The following PVT1 variants were observed in gnomAD, a reference collection of about 807,000 sequenced individuals.
PVT1 encodes the protein Pvt1 oncogene.
intron 3 of PVT1, among the ~76,000 whole-genome samples, chr8:127,921,527 A>C (rs1816056823): frequency 6.6e-6 from 1 of 152,172 alleles, no homozygotes; most frequent in Non-Finnish European, 1.5e-5. Flanking sequence ...TGATAATTTC[A>C]GGGGCCGGGC....
chr8:127,844,044 G>T (rs1399874676), intron 2 of PVT1, among the ~76,000 whole-genome samples: 1 of 151,382 alleles, frequency 6.6e-6, no homozygotes, highest in East Asian at 1.9e-4. Flanking sequence ...GTGCAGTGGC[G>T]CAATCTCGGC....
At chr8:127,973,720 TGTAATCCCA>T (rs1390168090) in intron 3 of PVT1, among the ~76,000 whole-genome samples, 5 of 143,294 alleles carry the variant, frequency 3.5e-5, no homozygotes, top group African/African-American at 1.1e-4. Context: ...GGCTCACACC[TGTAATCCCA>T]GCACTTTGGG....
chr8:128,007,467 A>G (rs1372621144), intron 4 of PVT1, among the ~76,000 whole-genome samples: 1 of 152,138 alleles, frequency 6.6e-6, no homozygotes, highest in Non-Finnish European at 1.5e-5. Flanking sequence ...AGATAGATTT[A>G]TATGTACTAA....
chr8:127,931,091 T>C (rs896624986), intron 3 of PVT1, among the ~76,000 whole-genome samples: 1 of 152,058 alleles, frequency 6.6e-6, no homozygotes, highest in Non-Finnish European at 1.5e-5. Context: ...TTTTTTGTAG[T>C]GATGGGGTTT....
chr8:127,848,449 T>G (rs1238957484), intron 2 of PVT1, among the ~76,000 whole-genome samples: 2 of 152,008 alleles, frequency 1.3e-5, no homozygotes, highest in Non-Finnish European at 2.9e-5. Context: ...TTTGGGAGGC[T>G]GAGGTGGGCG....
intron 3 of PVT1, among the ~76,000 whole-genome samples, chr8:127,901,693 T>C (rs1815760599): frequency 6.6e-6 from 1 of 152,108 alleles, no homozygotes; most frequent in South Asian, 2.1e-4. Context: ...ATTATAGGCA[T>C]GAACCACCAT....
chr8:128,088,988 A>G (rs1814313484), intron 5 of PVT1, among the ~76,000 whole-genome samples: 1 of 152,332 alleles, frequency 6.6e-6, no homozygotes, highest in South Asian at 2.1e-4. Flanking sequence ...CTTGTCCTCC[A>G]TGTGGCCCAA....
intron 3 of PVT1, among the ~76,000 whole-genome samples, chr8:127,914,841 G>A (rs1025174438): frequency 3.9e-4 from 53 of 137,396 alleles, no homozygotes; most frequent in Non-Finnish European, 7.2e-4. Flanking sequence ...TTTTGAGACC[G>A]AGTTTCCCTC....
At chr8:128,072,538 A>G (rs888417891) in intron 5 of PVT1, among the ~76,000 whole-genome samples, 4 of 152,172 alleles carry the variant, frequency 2.6e-5, no homozygotes, top group African/African-American at 4.8e-5. Context: ...TATGTGTCTC[A>G]TCTCAGTTTC....
At chr8:127,967,247 G>T (rs1225498536) in intron 3 of PVT1, among the ~76,000 whole-genome samples, 1 of 152,046 alleles carries the variant, frequency 6.6e-6, no homozygotes, top group African/African-American at 2.4e-5. Context: ...CCTGACCCGG[G>T]ATCTCTCCTG....
chr8:127,899,834 A>T (rs938546173), intron 3 of PVT1, among the ~76,000 whole-genome samples: 2 of 152,080 alleles, frequency 1.3e-5, no homozygotes, highest in African/African-American at 4.8e-5. Context: ...TCTTTCCCAA[A>T]GCCTCCATGT....
intron 3 of PVT1, among the ~76,000 whole-genome samples, chr8:127,952,237 A>G (rs1274419782): frequency 6.6e-6 from 1 of 152,238 alleles, no homozygotes; most frequent in Non-Finnish European, 1.5e-5. Context: ...TTTGCCACCC[A>G]AGCAGGTTCA....
chr8:127,886,110 A>G (rs978251419), intron 2 of PVT1, among the ~76,000 whole-genome samples: 13 of 152,156 alleles, frequency 8.5e-5, no homozygotes, highest in Non-Finnish European at 1.6e-4. Context: ...GAAAAAATAA[A>G]TAAAATAAAT....
chr8:128,089,231 T>C (rs747296764), intron 5 of PVT1, among the ~76,000 whole-genome samples: 1 of 152,222 alleles, frequency 6.6e-6, no homozygotes, highest in Non-Finnish European at 1.5e-5. Context: ...CTCATAGTTC[T>C]AGAGGTTTGG....
chr8:128,000,172 C>A (rs1043532849), intron 4 of PVT1, among the ~76,000 whole-genome samples: 1 of 152,184 alleles, frequency 6.6e-6, no homozygotes. Flanking sequence ...CCTAGAACCC[C>A]TTGGTTAGCC....
chr8:127,973,417 T>C (rs1435043093), intron 3 of PVT1, among the ~76,000 whole-genome samples: 1 of 152,182 alleles, frequency 6.6e-6, no homozygotes, highest in East Asian at 1.9e-4. Flanking sequence ...TTTATGGATG[T>C]GAATACTGAG....
At position 127,804,878 on chromosome 8, in the gene PVT1, G is replaced by C. The variant is rs535178623; in HGVS notation, n.372+8807G>C. Among the ~76,000 whole-genome samples, 7 of 147,480 alleles carry C rather than the reference G, an allele frequency of 4.7e-5. No homozygotes were observed. The South Asian group carries it at 8.7e-4, about 18-fold the overall frequency. ...ACACATCCTGATTTTTTTCTTAGTT[G>C]CTATTAGGACACAGGCATTTTTGAA... On this transcript the variant is annotated intron_variant and non_coding_transcript_variant, in intron 2 of 10. Coordinates refer to ENST00000651587, the Ensembl canonical transcript of PVT1.
chr8:127,984,393 C>T (rs4637783), intron 3 of PVT1, among the ~76,000 whole-genome samples: 127,407 of 152,190 alleles, frequency 0.84, 53,406 homozygotes, highest in South Asian at 0.9. Flanking sequence ...AGTCACATTC[C>T]CAGCAAGTGG....
At chr8:127,886,565 C>T (rs1287998277) in intron 2 of PVT1, among the ~76,000 whole-genome samples, 1 of 152,136 alleles carries the variant, frequency 6.6e-6, no homozygotes, top group East Asian at 1.9e-4. Context: ...TCAAATTGTA[C>T]TGACTCTTGG....
Sources: allele counts gnomAD v4.1 joint callset (sites outside exome capture counted in the v4.1 genomes callset), GRCh38; gene constraint gnomAD v4.1.1; transcripts MANE v1.5; gene names NCBI Gene and HGNC (gene_info 2026-07-23, HGNC 2026-07-21).